The following ADAMTS16 variants were observed in gnomAD, a reference collection of about 807,000 sequenced individuals.
The protein encoded by ADAMTS16 is A disintegrin and metalloproteinase with thrombospondin motifs 16.
A neutral mutation model predicts 145.8 loss-of-function variants in ADAMTS16; 94 were observed. That is an observed-to-expected ratio of 0.64 (90% CI 0.55 to 0.77). The LOEUF (loss-of-function observed/expected upper bound fraction) is 0.77. Ranked by LOEUF, ADAMTS16 falls within the 30% of genes least tolerant of loss-of-function variation. ADAMTS16 has a pLI of 0.00. For missense variants in ADAMTS16, 1,585 were observed against 1,591.5 expected (o/e 1.00, Z 0.07); for synonymous variants, 659 against 604.3 (o/e 1.09, Z -1.33).
In ADAMTS16 at chr5:5,162,093, C is replaced by T. The variant is rs369723380; in HGVS notation, c.501+15638C>T. On this transcript the variant is annotated intron_variant, in intron 3 of 22. Coordinates refer to ENST00000274181, the MANE Select transcript of ADAMTS16 (RefSeq NM_139056.4). ...GTGAATTCTGCTTTATTACGATAGA[C>T]GTATGCATGTTAAAGTATGTGCCAG... Among the ~76,000 whole-genome samples, 19 of 152,136 alleles carry T rather than the reference C, an allele frequency of 1.2e-4. No homozygotes were observed. The East Asian group carries it at 1.7e-3, about 14-fold the overall frequency.
chr5:5,274,936 C>T (rs1431226840), intron 18 of ADAMTS16, among the ~76,000 whole-genome samples: 1 of 152,184 alleles, frequency 6.6e-6, no homozygotes, highest in Non-Finnish European at 1.5e-5. Flanking sequence ...CTCAGCGTAA[C>T]TGTCCCCTAA....
chr5:5,300,448 T>C (rs1186084895), intron 18 of ADAMTS16, among the ~76,000 whole-genome samples: 3 of 152,184 alleles, frequency 2.0e-5, no homozygotes, highest in South Asian at 2.1e-4. Context: ...CCACAATCCA[T>C]ATAGGGCAAC....
rs566426156 is a variant in ADAMTS16 at position 5,277,638 on chromosome 5, G to A, written c.2789+14855G>A. On this transcript the variant is annotated intron_variant, in intron 18 of 22. Transcript: ENST00000274181. ...CGCCAAATGAAATTCCAATAATTAG[G>A]GCTTTTTCATTGTTTTGATGCATTT... Among the ~76,000 whole-genome samples, 7 of 151,988 alleles carry A rather than the reference G, an allele frequency of 4.6e-5. 1 individual carries two copies. The South Asian group carries it at 6.2e-4, about 14-fold the overall frequency.
chr5:5,260,849 T>G lies in ADAMTS16; in HGVS notation c.2663-1808T>G, dbSNP rs1194522888. Among the ~76,000 whole-genome samples the G allele has an allele frequency of 4.6e-5, 7 of 152,226 alleles. No individual in the cohort carries two copies. The South Asian group carries it at 1.4e-3, about 31-fold the overall frequency. ...TCCTTAAGTCAGGAAGGGTTTGACT[T>G]CTGTGGAACTGGCATGAGGGATTTT... On this transcript the variant is annotated intron_variant, in intron 17 of 22. Transcript: ENST00000274181.
chr5:5,206,778 G>A (rs13178572), intron 9 of ADAMTS16, among the ~76,000 whole-genome samples: 45,325 of 151,932 alleles, frequency 0.3, 7,527 homozygotes, highest in Non-Finnish European at 0.38. Flanking sequence ...CACCGCGCCC[G>A]GCAGATTAAT....
Position 5,262,898 on chromosome 5 carries a change from C to G in ADAMTS16, c.2789+115C>G, listed in dbSNP as rs934011848. On this transcript the variant is annotated intron_variant, in intron 18 of 22. Coordinates refer to ENST00000274181, the MANE Select transcript of ADAMTS16 (RefSeq NM_139056.4). Reference sequence around the variant, plus strand: ...CTGATTGCCATCATGTCACTCATAACAGTGGAGAAGCAAAGGGGACAAGAG... The same window carrying G: ...CTGATTGCCATCATGTCACTCATAAGAGTGGAGAAGCAAAGGGGACAAGAG... 61 of 1,464,500 alleles carry G rather than the reference C, an allele frequency of 4.2e-5. 1 individual carries two copies. In the South Asian group the frequency reaches 7.7e-4, roughly 19 times the overall value. 90.7% of individuals were successfully genotyped at this position (1,464,500 alleles called of 1,614,324 possible).
intron 2 of ADAMTS16, among the ~76,000 whole-genome samples, chr5:5,141,882 A>G (rs1053305373): frequency 8.3e-6 from 1 of 121,004 alleles, no homozygotes; most frequent in Non-Finnish European, 1.7e-5. Flanking sequence ...TGCAAATGAT[A>G]TAAAATGTTA....
At position 5,141,100 on chromosome 5, in the gene ADAMTS16, A is replaced by G. The variant is rs146027137; in HGVS notation, c.175+334A>G. Among the ~76,000 whole-genome samples, 227 of 152,274 alleles carry G rather than the reference A, an allele frequency of 1.5e-3. 2 individuals are homozygous for G. Among genetic ancestry groups the G allele is most frequent in the African/African-American group, 5.3e-3 (219 of 41,544 alleles). On this transcript the variant is annotated intron_variant, in intron 2 of 22. Transcript: ENST00000274181. Reference sequence around the variant, plus strand: ...TGCATCAAAGCCGTCATAAAGAGCAAATTACTTTCTTTTCCGTCCCCTTCT... The same window carrying G: ...TGCATCAAAGCCGTCATAAAGAGCAGATTACTTTCTTTTCCGTCCCCTTCT...
At chr5:5,195,092 T>C (rs1735766036) in intron 8 of ADAMTS16, among the ~76,000 whole-genome samples, 1 of 152,206 alleles carries the variant, frequency 6.6e-6, no homozygotes, top group South Asian at 2.1e-4. Context: ...TGCTAGGGAA[T>C]GTGACCTAAA....
At chr5:5,152,562 A>G (rs1285474675) in intron 3 of ADAMTS16, among the ~76,000 whole-genome samples, 1 of 152,160 alleles carries the variant, frequency 6.6e-6, no homozygotes, top group Non-Finnish European at 1.5e-5. Flanking sequence ...CTGTAGTGCA[A>G]ATGGAGTCTC....
rs771538762 is a variant in ADAMTS16 at position 5,320,033 on chromosome 5, G to A, written c.*895G>A. 13 of 419,966 alleles carry A rather than the reference G, an allele frequency of 3.1e-5. No homozygotes were observed. Among genetic ancestry groups the A allele is most frequent in the Non-Finnish European group, 5.1e-5 (11 of 217,448 alleles). The allele number at this position is 419,966 out of a possible 1,614,324, so 26.0% of individuals were successfully genotyped here. On this transcript the variant is annotated 3_prime_UTR_variant, in exon 23 of 23. Transcript: ENST00000274181. The surrounding 1 kb of genome is among the most constrained non-coding windows in gnomAD (Gnocchi z 5.1). Reference sequence around the variant, plus strand: ...CAGACGTCAGCCACACAGCCTATGTGACAATAACCTTAGAGTCCTGTGTTT... The same window carrying A: ...CAGACGTCAGCCACACAGCCTATGTAACAATAACCTTAGAGTCCTGTGTTT...
chr5:5,202,241 A>C (rs1579307354), intron 9 of ADAMTS16, among the ~76,000 whole-genome samples: 1 of 152,188 alleles, frequency 6.6e-6, no homozygotes, highest in African/African-American at 2.4e-5. Flanking sequence ...CCAAGGACTA[A>C]AGTATGTTAA....
chr5:5,187,682 A>T, intron 5 of ADAMTS16, 43 bp from the exon 6 acceptor site: 1 of 1,400,548 alleles, frequency 7.1e-7, no homozygotes, highest in Non-Finnish European at 1.0e-6. Flanking sequence ...TAGGGGGGAA[A>T]ATGCCATTTA....
intron 17 of ADAMTS16, among the ~76,000 whole-genome samples, chr5:5,250,738 C>CACGT (rs1553994635): frequency 1.7e-4 from 14 of 82,118 alleles, no homozygotes; most frequent in Admixed American, 4.7e-4. Context: ...TGTGTGTGTG[C>CACGT]GCGCACTCCT....
In ADAMTS16 at chr5:5,252,293, C is replaced by T. The variant is rs186465770; in HGVS notation, c.2662+10102C>T. Among the ~76,000 whole-genome samples, 428 of 152,308 alleles carry T rather than the reference C, an allele frequency of 2.8e-3. 2 individuals are homozygous for T. The highest frequency in any genetic ancestry group is 9.9e-3 in the African/African-American group (410 of 41,572). ...CTTGGCTTGTACTCCAGGGAGCCCCCAGAGAGATTTCTGGAATCTCTGGCA... is the reference window on the plus strand; with the variant it reads ...CTTGGCTTGTACTCCAGGGAGCCCCTAGAGAGATTTCTGGAATCTCTGGCA... On this transcript the variant is annotated intron_variant, in intron 17 of 22. Transcript: ENST00000274181.
rs551607317 is a variant in ADAMTS16 at position 5,317,064 on chromosome 5, C to T, written c.3412-1070C>T. ...ACCTCAAATGGTCTGGGTGGAGGGG[C>T]GGTGCTTTCAAATGCAGAGGCAAGA... On this transcript the variant is annotated intron_variant, in intron 21 of 22. Transcript: ENST00000274181. The surrounding 1 kb of genome is among the most constrained non-coding windows in gnomAD (Gnocchi z 4.5). Among the ~76,000 whole-genome samples, 4 of 152,192 alleles carry T rather than the reference C, an allele frequency of 2.6e-5. No individual in the cohort carries two copies. Among genetic ancestry groups the T allele is most frequent in the South Asian group, 2.1e-4 (1 of 4,820 alleles).
At chr5:5,284,073 T>C (rs560957010) in intron 18 of ADAMTS16, among the ~76,000 whole-genome samples, 2 of 152,384 alleles carry the variant, frequency 1.3e-5, no homozygotes, top group East Asian at 3.9e-4. Context: ...TAGCTTTTGC[T>C]ATATGACTGT....
chr5:5,210,592 T>G (rs1560950478), intron 10 of ADAMTS16, among the ~76,000 whole-genome samples: 1 of 152,174 alleles, frequency 6.6e-6, no homozygotes, highest in Non-Finnish European at 1.5e-5. Flanking sequence ...TCTATCATAA[T>G]TGCTAAATGT....
In ADAMTS16 at chr5:5,305,810, G is replaced by A. The variant is rs186207076; in HGVS notation, c.3187-694G>A. ...CCCCAGCAGGAGACAGCAACGCCAG[G>A]GGCCGGGACCTCTGTCCCAGAGACC... On this transcript the variant is annotated intron_variant, in intron 20 of 22. Transcript: ENST00000274181. Among the ~76,000 whole-genome samples the A allele has an allele frequency of 2.5e-4, 38 of 152,308 alleles. No individual in the cohort carries two copies. The East Asian group carries it at 6.4e-3, about 26-fold the overall frequency.
Sources: gnomAD v4.1 joint callset for allele counts (sites outside exome capture counted in the v4.1 genomes callset) on GRCh38, gnomAD v4.1.1 for gene constraint, Gnocchi (gnomAD v3.1) non-coding constraint, MANE v1.5 for transcripts, NCBI Gene and HGNC (gene_info 2026-07-23, HGNC 2026-07-21) for gene names.